Variants in SLC4A4 observed in about 807,000 individuals in gnomAD.
SLC4A4 encodes the protein electrogenic sodium bicarbonate cotransporter 1.
Under a neutral mutation model 111.5 loss-of-function variants are expected in SLC4A4, and 27 were observed. That is an observed-to-expected ratio of 0.24 (90% CI 0.18 to 0.33). SLC4A4 has a LOEUF of 0.33. Among genes scored for constraint, SLC4A4 ranks in the 10% least tolerant of loss-of-function variants. The pLI is 1.00. For missense variants in SLC4A4, 909 were observed against 1,315.5 expected, an observed-to-expected ratio of 0.69 and a Z score of 4.78; for synonymous variants, 443 against 463.4, an observed-to-expected ratio of 0.96 and a Z score of 0.57.
chr4:71,330,889 A>G (rs1162737445), intron 3 of SLC4A4, among the ~76,000 whole-genome samples: 1 of 152,068 alleles, frequency 6.6e-6, no homozygotes, highest in Non-Finnish European at 1.5e-5. Context: ...AATTTACAAG[A>G]AAAAAACAAC....
chr4:71,369,188 A>G (rs1363978219), intron 6 of SLC4A4, among the ~76,000 whole-genome samples: 1 of 152,144 alleles, frequency 6.6e-6, no homozygotes, highest in Non-Finnish European at 1.5e-5. Context: ...TGGTCGGGAG[A>G]GGGAGGGCAG....
At chr4:71,199,099 C>T (rs776758225) in intron 1 of SLC4A4, among the ~76,000 whole-genome samples, 2 of 152,192 alleles carry the variant, frequency 1.3e-5, no homozygotes, top group Non-Finnish European at 2.9e-5. Flanking sequence ...CTTCAAGTCA[C>T]TTATCATTTT....
chr4:71,318,660 T>A (rs949334078), intron 3 of SLC4A4, among the ~76,000 whole-genome samples: 1 of 151,992 alleles, frequency 6.6e-6, no homozygotes. Flanking sequence ...TGTTTTAAAG[T>A]AGGATTAGGT....
At chr4:71,513,349 G>T (rs1212866081) in intron 16 of SLC4A4, among the ~76,000 whole-genome samples, 5 of 151,882 alleles carry the variant, frequency 3.3e-5, no homozygotes, top group Non-Finnish European at 7.4e-5. Flanking sequence ...TCACCCCCTT[G>T]GTTAAATTTA....
At chr4:71,310,039 A>G (rs1215975149) in intron 3 of SLC4A4, among the ~76,000 whole-genome samples, 3 of 151,872 alleles carry the variant, frequency 2.0e-5, no homozygotes, top group Admixed American at 1.3e-4. Context: ...TGAAGCATAT[A>G]CAAGTATCCA....
At chr4:71,300,970 T>C in intron 3 of SLC4A4, 1 of 504,936 alleles carries the variant, frequency 2.0e-6, no homozygotes, top group Non-Finnish European at 4.1e-6. Context: ...GCTGATCATG[T>C]GAAGGGAGCA....
chr4:71,549,187 A>C (rs1159055000), intron 20 of SLC4A4, among the ~76,000 whole-genome samples: 1 of 151,918 alleles, frequency 6.6e-6, no homozygotes, highest in African/African-American at 2.4e-5. Context: ...GTGCAAAGCA[A>C]GTTATGGGAT....
chr4:71,502,298 T>A (rs893311573), intron 16 of SLC4A4, among the ~76,000 whole-genome samples: 3 of 152,208 alleles, frequency 2.0e-5, no homozygotes, highest in African/African-American at 4.8e-5. Context: ...CAACTTTTAG[T>A]TTTGTTAATT....
In SLC4A4 at chr4:71,090,524, G is replaced by A. The variant is rs144860011; in HGVS notation, c.-64-2206G>A. Among the ~76,000 whole-genome samples the A allele has an allele frequency of 3.9e-5, 6 of 152,324 alleles. No individual in the cohort carries two copies. In the East Asian group the frequency reaches 1.2e-3, roughly 29 times the overall value. On this transcript the variant is annotated intron_variant, in intron 1 of 26. Transcript: ENST00000649996. ...ACAGTTTTTATTAAGAAATAAAAAT[G>A]TATGTGTTAAGATAAAGGGAGTGAG... is the stretch of plus-strand genomic sequence containing the variant.
chr4:71,323,702 A>G (rs1727292502), intron 3 of SLC4A4, among the ~76,000 whole-genome samples: 1 of 152,118 alleles, frequency 6.6e-6, no homozygotes, highest in African/African-American at 2.4e-5. Context: ...CTCAATCAGG[A>G]CAGCACAATG....
At chr4:71,173,447 C>T (rs1578550024) in intron 2 of SLC4A4, among the ~76,000 whole-genome samples, 1 of 152,276 alleles carries the variant, frequency 6.6e-6, no homozygotes, top group African/African-American at 2.4e-5. Context: ...GTGGCACGAT[C>T]TCAGCTCACT....
intron 18 of SLC4A4, among the ~76,000 whole-genome samples, chr4:71,537,836 G>A (rs1363188320): frequency 6.6e-6 from 1 of 152,024 alleles, no homozygotes; most frequent in East Asian, 1.9e-4. Context: ...AGTTCAGATG[G>A]TCATTCTAAT....
intron 15 of SLC4A4, among the ~76,000 whole-genome samples, chr4:71,489,405 AAGCTGTGGAACCTTCTT>A (rs1197592298): frequency 6.6e-6 from 1 of 151,744 alleles, no homozygotes; most frequent in Non-Finnish European, 1.5e-5. Flanking sequence ...ATGACTTAAT[AAGCTGTGGAACCTTCTT>A]AGTTTCCCAT....
intron 14 of SLC4A4, among the ~76,000 whole-genome samples, chr4:71,475,753 A>T (rs1728307957): frequency 6.6e-6 from 1 of 151,898 alleles, no homozygotes; most frequent in Admixed American, 6.6e-5. Flanking sequence ...AATAGTACCT[A>T]CCTTATAGAT....
At chr4:71,172,329 C>T (rs1744968803) in intron 2 of SLC4A4, among the ~76,000 whole-genome samples, 1 of 150,714 alleles carries the variant, frequency 6.6e-6, no homozygotes, top group African/African-American at 2.4e-5. Context: ...GATCTTGGCT[C>T]ACTGCAACCT....
intron 2 of SLC4A4, among the ~76,000 whole-genome samples, chr4:71,180,654 C>T (rs547522073): frequency 6.6e-6 from 1 of 152,270 alleles, no homozygotes; most frequent in Admixed American, 6.5e-5. Context: ...AATGAGATAC[C>T]ATCTCACACC....
Position 71,437,721 on chromosome 4 carries a change from A to G in SLC4A4, c.808-2895A>G, listed in dbSNP as rs1459673454. The G allele has an allele frequency of 2.6e-5, 9 of 344,198 alleles. No homozygotes were observed. In the Admixed American group the frequency reaches 2.7e-4, roughly 10 times the overall value. 21.3% of individuals were successfully genotyped at this position (344,198 alleles called of 1,614,324 possible). The stretch of plus-strand genomic sequence containing the variant: ...TTCCTATAATGGAGATCTTATTGGG[A>G]TGAGCGGCCCCCTCCAAAGTGAAAT... On this transcript the variant is annotated intron_variant, in intron 7 of 25. Transcript: ENST00000264485.
At chr4:71,363,470 T>TC (rs1179589065) in intron 6 of SLC4A4, among the ~76,000 whole-genome samples, 1 of 152,160 alleles carries the variant, frequency 6.6e-6, no homozygotes, top group East Asian at 1.9e-4. Context: ...CCCATTTGTC[T>TC]CAGGCTGGGT....
chr4:71,091,695 C>A (rs750666204), intron 1 of SLC4A4, among the ~76,000 whole-genome samples: 1 of 152,112 alleles, frequency 6.6e-6, no homozygotes, highest in Non-Finnish European at 1.5e-5. Context: ...AATTTAACTT[C>A]TTTCACAGGG....
Sources: gnomAD v4.1 joint callset for allele counts (sites outside exome capture counted in the v4.1 genomes callset) on GRCh38, gnomAD v4.1.1 for gene constraint, MANE v1.5 for transcripts, NCBI Gene and HGNC (gene_info 2026-07-23, HGNC 2026-07-21) for gene names.